Variants in USP32 observed in about 807,000 individuals in gnomAD.
USP32 encodes ubiquitin specific peptidase 32.
A neutral mutation model predicts 204.8 loss-of-function variants in USP32; 59 were observed. That is an observed-to-expected ratio of 0.29 (90% CI 0.23 to 0.36). The LOEUF is 0.36. USP32 is among the 10% of genes least tolerant of loss of function. The probability of loss-of-function intolerance (pLI) is 1.00; values close to 1 mark genes in which losing one functional copy is unlikely to be tolerated. For missense variants in USP32, 1,160 were observed against 1,946.4 expected (o/e 0.60, Z 7.60); for synonymous variants, 517 against 678.4 (o/e 0.76, Z 3.70).
At chr17:60,226,505 T>TA (rs1424177320) in intron 12 of USP32, among the ~76,000 whole-genome samples, 1 of 152,174 alleles carries the variant, frequency 6.6e-6, no homozygotes, top group Non-Finnish European at 1.5e-5. Flanking sequence ...GCCATTTTTT[T>TA]AACATTAAAA....
intron 1 of USP32, among the ~76,000 whole-genome samples, chr17:60,388,203 T>A (rs1410353873): frequency 2.0e-5 from 3 of 152,024 alleles, no homozygotes; most frequent in Non-Finnish European, 4.4e-5. Flanking sequence ...TGCCAGATTT[T>A]AAAGAAAGGG....
At chr17:60,393,955 A>G (rs2089879486), upstream of USP32, among the ~76,000 whole-genome samples, 1 of 152,198 alleles carries the variant, frequency 6.6e-6, no homozygotes, top group Non-Finnish European at 1.5e-5. Context: ...GAGTGCTGGG[A>G]TTACAGGCGT....
At chr17:60,400,729 T>C (rs2143023113) in intron 1 of USP32, among the ~76,000 whole-genome samples, 1 of 152,310 alleles carries the variant, frequency 6.6e-6, no homozygotes, top group Admixed American at 6.5e-5. Context: ...TATTGAAAGC[T>C]GTAAGACCAA....
intron 1 of USP32, among the ~76,000 whole-genome samples, chr17:60,362,194 A>T (rs922701560): frequency 6.6e-6 from 1 of 152,040 alleles, no homozygotes; most frequent in Non-Finnish European, 1.5e-5. Context: ...ACATCACATT[A>T]AAAAAAATCG....
intron 26 of USP32, among the ~76,000 whole-genome samples, chr17:60,203,396 CAAA>C (rs554691150): frequency 2.9e-3 from 71 of 24,360 alleles, no homozygotes; most frequent in African/African-American, 9.2e-3. Flanking sequence ...GCGAGACTGT[CAAA>C]AAAAAAAAAA....
chr17:60,314,127 G>GT (rs2087917637), intron 2 of USP32, among the ~76,000 whole-genome samples: 1 of 122,940 alleles, frequency 8.1e-6, no homozygotes, highest in African/African-American at 3.3e-5. Flanking sequence ...TTATTGTGTG[G>GT]CTTTTTTTTT....
At position 60,295,711 on chromosome 17, in the gene USP32, C is replaced by A. The variant is rs1218049024; in HGVS notation, c.293-910G>T. Among the ~76,000 whole-genome samples, 3 of 152,034 alleles carry A rather than the reference C, an allele frequency of 2.0e-5. No homozygotes were observed. In the East Asian group the frequency reaches 5.8e-4, roughly 29 times the overall value. On this transcript the variant is annotated intron_variant, in intron 3 of 33. Transcript: ENST00000300896. Reference sequence around the variant, plus strand: ...GAAGATATTTTAACAGAGAGAGTGACCAGATTCACATAAAACTTTTATTAT... The same window carrying A: ...GAAGATATTTTAACAGAGAGAGTGAACAGATTCACATAAAACTTTTATTAT...
At chr17:60,227,774 C>A (rs1242597839) in intron 12 of USP32, among the ~76,000 whole-genome samples, 3 of 152,038 alleles carry the variant, frequency 2.0e-5, no homozygotes, top group African/African-American at 4.8e-5. Context: ...GATTAAATAA[C>A]TAATTAATCA....
intron 29 of USP32, among the ~76,000 whole-genome samples, chr17:60,187,330 C>CT (rs1251969223): frequency 3.3e-5 from 5 of 152,098 alleles, no homozygotes; most frequent in African/African-American, 7.2e-5. Context: ...GAGGAAAATT[C>CT]TTTTTTTAGA....
At chr17:60,181,189 T>A (rs2084101802) in intron 32 of USP32, 135 bp downstream of exon 32, 2 of 1,196,988 alleles carry the variant, frequency 1.7e-6, no homozygotes, top group African/African-American at 1.5e-5. Context: ...AAGATTTCTG[T>A]GTTAACTTTG....
intron 3 of USP32, among the ~76,000 whole-genome samples, chr17:60,296,728 T>C (rs778287386): frequency 4.6e-5 from 7 of 152,192 alleles, no homozygotes; most frequent in Non-Finnish European, 8.8e-5. Context: ...CCTCAGTATC[T>C]GTAGGGGATT....
intron 27 of USP32, among the ~76,000 whole-genome samples, chr17:60,193,811 C>T (rs1175868056): frequency 2.0e-5 from 3 of 152,210 alleles, no homozygotes; most frequent in African/African-American, 4.8e-5. Context: ...GAGTTCCCAT[C>T]TTTCTGCATA....
intron 9 of USP32, among the ~76,000 whole-genome samples, chr17:60,262,175 T>G (rs942986374): frequency 6.6e-6 from 1 of 152,182 alleles, no homozygotes; most frequent in Non-Finnish European, 1.5e-5. Flanking sequence ...TTATTTATTT[T>G]GTTTTATGTA....
chr17:60,244,121 C>T (rs2085952797), intron 11 of USP32, among the ~76,000 whole-genome samples: 1 of 149,170 alleles, frequency 6.7e-6, no homozygotes, highest in Non-Finnish European at 1.5e-5. Flanking sequence ...CTGCAAGCCC[C>T]GCCTCCCGGG....
At chr17:60,382,538 G>A (rs937593139) in intron 1 of USP32, among the ~76,000 whole-genome samples, 18 of 151,818 alleles carry the variant, frequency 1.2e-4, no homozygotes, top group African/African-American at 4.4e-4. Context: ...ATTAGCCATG[G>A]AATATAAGAG....
intron 5 of USP32, among the ~76,000 whole-genome samples, chr17:60,285,639 A>G (rs1292269154): frequency 6.6e-6 from 1 of 152,210 alleles, no homozygotes; most frequent in Non-Finnish European, 1.5e-5. Context: ...TAGTTATAAT[A>G]CAAAGATGAA....
At chr17:60,203,956 T>C (rs951057946) in intron 26 of USP32, among the ~76,000 whole-genome samples, 1 of 152,166 alleles carries the variant, frequency 6.6e-6, no homozygotes, top group African/African-American at 2.4e-5. Context: ...AACTAAAACA[T>C]AGGTTGCTAA....
chr17:60,234,681 G>A (rs1487295688), intron 12 of USP32, among the ~76,000 whole-genome samples: 1 of 151,572 alleles, frequency 6.6e-6, no homozygotes, highest in East Asian at 2.0e-4. Context: ...AGTGAGCCGA[G>A]ATCGCGCCAC....
rs551969601 is a variant in USP32 at position 60,360,631 on chromosome 17, C to T, written c.59-15023G>A. ...CAGAGGTTGCAGTGAGCTGAGATTG[C>T]ACCACTGCACTCCAGCCTGGGCAAC... On this transcript the variant is annotated intron_variant, in intron 1 of 33. Transcript: ENST00000300896. 1.5e-4 allele frequency among the ~76,000 whole-genome samples: 23 copies of T among 152,008 alleles called. No individual in the cohort carries two copies. In the South Asian group the frequency reaches 4.8e-3, roughly 32 times the overall value.
Sources: allele counts gnomAD v4.1 joint callset (sites outside exome capture counted in the v4.1 genomes callset), GRCh38; gene constraint gnomAD v4.1.1; transcripts MANE v1.5; gene names NCBI Gene and HGNC (gene_info 2026-07-23, HGNC 2026-07-21).